MYCBP2: variants seen among roughly 807,000 people sequenced by gnomAD.
MYCBP2 encodes E3 ubiquitin-protein ligase MYCBP2.
Under a neutral mutation model 525.3 loss-of-function variants are expected in MYCBP2, and 120 were observed. That is an observed-to-expected ratio of 0.23 (90% CI 0.20 to 0.27). The LOEUF (loss-of-function observed/expected upper bound fraction) is 0.27. Ranked by LOEUF, MYCBP2 falls within the 10% of genes least tolerant of loss-of-function variation. The pLI is 1.00. For synonymous variants in MYCBP2, 1,894 were observed against 1,955.8 expected (o/e 0.97, Z 0.83); for missense variants, 4,149 against 5,657.1 (o/e 0.73, Z 8.55).
chr13:77,136,092 A>G (rs1220853778), intron 52 of MYCBP2, among the ~76,000 whole-genome samples: 1 of 152,102 alleles, frequency 6.6e-6, no homozygotes, highest in Non-Finnish European at 1.5e-5. Context: ...GTGCTGGCAT[A>G]ATAGGCGTGA....
intron 71 of MYCBP2, among the ~76,000 whole-genome samples, chr13:77,066,727 T>G: frequency 6.6e-6 from 1 of 152,108 alleles, no homozygotes; most frequent in East Asian, 1.9e-4. Flanking sequence ...TTATATGAGA[T>G]GAAAATGCCT....
rs199599448 is a variant in MYCBP2, at chr13:77,098,905, C to T, written c.8249G>A (p.Arg2750Gln). Residue 2750 changes from arginine (R) to glutamine (Q), a missense_variant, in exon 56 of 83, where the codon CGG becomes CAG. Transcript: ENST00000544440. ...TGGCTTCTTCTGATCAGCAGTAGTC[C>T]GGCTCATACGTCCATCAGGTTTAAG... ...RSLKPDGRMS[R>Q]TTADQKKPRG... 98 of 1,613,452 alleles carry T rather than the reference C, an allele frequency of 6.1e-5. No homozygotes were observed. Among genetic ancestry groups the T allele is most frequent in the Non-Finnish European group, 5.4e-5 (64 of 1,179,742 alleles).
At position 77,098,433 on chromosome 13, in the gene MYCBP2, A is replaced by C; in HGVS notation, c.8721T>G (p.Asp2907Glu). 6.2e-7 allele frequency: 1 copy of C among 1,613,550 alleles called. No individual in the cohort carries two copies. ...TSPKPKSVPK[D>E]STDSPGSENR... Reference sequence around the variant, plus strand: ...TTTCAGATCCAGGGGAATCTGTAGAATCCTTTGGTACTGATTTTGGTTTTG... The same window carrying C: ...TTTCAGATCCAGGGGAATCTGTAGACTCCTTTGGTACTGATTTTGGTTTTG... Residue 2907 changes from aspartate (D) to glutamate (E), a missense_variant, in exon 56 of 83, where the codon GAT (aspartate) becomes GAG (glutamate). By Grantham distance (45) the Asp-to-Glu change is conservative. Around this residue, in one of 21 missense-constraint regions of MYCBP2, gnomAD observed 653 missense variants for 744.7 expected, o/e 0.88. Coordinates refer to ENST00000544440, the MANE Select transcript of MYCBP2 (RefSeq NM_015057.5).
At position 77,181,668 on chromosome 13, in the gene MYCBP2, C is replaced by G. The variant is rs538575741; in HGVS notation, c.4941+33G>C. On this transcript the variant is annotated intron_variant, in intron 33 of 82. Transcript: ENST00000544440. ...AATAAAACCATTTAGAGTTTTAGTGCCTCTGTATAAAAGATTTCAGAGACA... is the reference window on the plus strand; with the variant it reads ...AATAAAACCATTTAGAGTTTTAGTGGCTCTGTATAAAAGATTTCAGAGACA... The G allele has an allele frequency of 2.6e-6, 4 of 1,556,936 alleles. No individual in the cohort carries two copies. In the Admixed American group the frequency reaches 6.7e-5, roughly 26 times the overall value.
intron 17 of MYCBP2, among the ~76,000 whole-genome samples, chr13:77,239,294 T>C (rs1007470911): frequency 6.6e-6 from 1 of 152,208 alleles, no homozygotes; most frequent in African/African-American, 2.4e-5. Context: ...ATTATTAACA[T>C]ACTACTAAAT....
intron 1 of MYCBP2, among the ~76,000 whole-genome samples, chr13:77,322,938 C>T (rs2081862649): frequency 6.6e-6 from 1 of 152,152 alleles, no homozygotes; most frequent in African/African-American, 2.4e-5. Flanking sequence ...GAGTTATTCC[C>T]ACATTCTACA....
At chr13:77,118,303 A>C in intron 55 of MYCBP2, 1 of 723,948 alleles carries the variant, frequency 1.4e-6, no homozygotes, top group Non-Finnish European at 2.5e-6. Context: ...AAAGCTTCAG[A>C]AATGCTTGAT....
intron 46 of MYCBP2, among the ~76,000 whole-genome samples, chr13:77,152,660 T>C (rs1285142986): frequency 6.6e-6 from 1 of 152,060 alleles, no homozygotes; most frequent in Non-Finnish European, 1.5e-5. Context: ...ATGGCACCAC[T>C]TAGGAGAGGA....
intron 13 of MYCBP2, among the ~76,000 whole-genome samples, chr13:77,259,363 C>T (rs1324785801): frequency 2.0e-5 from 3 of 152,144 alleles, no homozygotes; most frequent in Non-Finnish European, 4.4e-5. Flanking sequence ...AACTGTCTCT[C>T]GGATCCTCAA....
intron 52 of MYCBP2, among the ~76,000 whole-genome samples, chr13:77,138,547 T>C (rs1247649258): frequency 1.3e-5 from 2 of 152,196 alleles, no homozygotes; most frequent in Admixed American, 1.3e-4. Context: ...AAAGGAAAAA[T>C]CATTCTTTCC....
At chr13:77,103,815 T>G (rs1057057620) in intron 55 of MYCBP2, among the ~76,000 whole-genome samples, 5 of 152,228 alleles carry the variant, frequency 3.3e-5, no homozygotes, top group African/African-American at 1.2e-4. Flanking sequence ...TGTGTTTGGC[T>G]ACTTTTCTGG....
chr13:77,268,546 G>A (rs2074412272), intron 7 of MYCBP2, among the ~76,000 whole-genome samples: 1 of 152,116 alleles, frequency 6.6e-6, no homozygotes, highest in African/African-American at 2.4e-5. Flanking sequence ...TTGGGAGGCT[G>A]AGGCAGGTGG....
At chr13:77,104,177 T>C (rs900456826) in intron 55 of MYCBP2, among the ~76,000 whole-genome samples, 1 of 152,004 alleles carries the variant, frequency 6.6e-6, no homozygotes, top group Non-Finnish European at 1.5e-5. Context: ...ATTCAGGTAG[T>C]AAGGAGATAG....
chr13:77,216,893 C>T (rs905787805), intron 21 of MYCBP2, among the ~76,000 whole-genome samples: 1 of 152,114 alleles, frequency 6.6e-6, no homozygotes, highest in African/African-American at 2.4e-5. Flanking sequence ...ATAATGTACA[C>T]AAGACATTGT....
intron 32 of MYCBP2, among the ~76,000 whole-genome samples, chr13:77,182,286 T>G (rs1394179290): frequency 1.3e-5 from 2 of 152,210 alleles, no homozygotes; most frequent in African/African-American, 4.8e-5. Context: ...CAATAAGGAC[T>G]GAGACTATTT....
Position 77,081,208 on chromosome 13 carries a change from T to C in MYCBP2, c.11418+219A>G. On this transcript the variant is annotated intron_variant, in intron 65 of 82. Transcript: ENST00000544440. This position sits in a 1 kb window ranked among gnomAD's most constrained non-coding sequence, Gnocchi z 4.6. ...ATTTTGCTTAGCTGTAGCCATGGTATATTTGTAATCAGACCTCTTTTCAGA... is the reference window on the plus strand; with the variant it reads ...ATTTTGCTTAGCTGTAGCCATGGTACATTTGTAATCAGACCTCTTTTCAGA... The C allele has an allele frequency of 1.9e-6, 1 of 516,794 alleles. No homozygotes were observed. Among genetic ancestry groups the C allele is most frequent in the Non-Finnish European group, 3.4e-6 (1 of 293,262 alleles). 32.0% of individuals were successfully genotyped at this position (516,794 alleles called of 1,614,324 possible).
In MYCBP2 at chr13:77,211,162, C is replaced by A; in HGVS notation, c.3416+5G>T. 7.0e-7 allele frequency: 1 copy of A among 1,432,262 alleles called. No homozygotes were observed. The allele number at this position is 1,432,262 out of a possible 1,614,324, so 88.7% of individuals were successfully genotyped here. On this transcript the variant is annotated splice_donor_5th_base_variant and intron_variant, in intron 23 of 82. Transcript: ENST00000544440. Reference sequence around the variant, plus strand: ...ATTGACTATTTTATAAACTGAGATGCTTACCTCCAAATTACATCATATACA... The same window carrying A: ...ATTGACTATTTTATAAACTGAGATGATTACCTCCAAATTACATCATATACA...
chr13:77,194,386 A>G (rs2061561244), intron 26 of MYCBP2, 142 bp from the exon 27 acceptor site: 4 of 614,142 alleles, frequency 6.5e-6, no homozygotes, highest in Non-Finnish European at 1.2e-5. Context: ...TTTTAACATT[A>G]CTATGTGAAA....
intron 26 of MYCBP2, among the ~76,000 whole-genome samples, chr13:77,197,838 T>C (rs2061920602): frequency 6.6e-6 from 1 of 152,146 alleles, no homozygotes; most frequent in Non-Finnish European, 1.5e-5. Flanking sequence ...GCCCACTCAC[T>C]GGATAATTGA....
Sources: gnomAD v4.1 joint callset for allele counts (sites outside exome capture counted in the v4.1 genomes callset) on GRCh38, gnomAD v4.1.1 for gene constraint, gnomAD v4.1.1 regional missense constraint, Gnocchi (gnomAD v3.1) non-coding constraint, MANE v1.5 for transcripts, NCBI Gene and HGNC (gene_info 2026-07-23, HGNC 2026-07-21) for gene names.